The following ATG2B variants were observed in gnomAD, a reference collection of about 807,000 sequenced individuals.
ATG2B encodes autophagy-related protein 2 homolog B.
A neutral mutation model predicts 241.3 loss-of-function variants in ATG2B; 121 were observed. That is an observed-to-expected ratio of 0.50 (90% CI 0.43 to 0.58). The LOEUF is 0.58. Ranked by LOEUF, ATG2B falls within the 20% of genes least tolerant of loss-of-function variation. The pLI is 0.00. For missense variants in ATG2B, 2,306 were observed against 2,491.6 expected, an observed-to-expected ratio of 0.93 and a Z score of 1.59; for synonymous variants, 858 against 876.6, an observed-to-expected ratio of 0.98 and a Z score of 0.37.
rs1389657378 is a variant in ATG2B, at chr14:96,351,843, G to A, written c.163-4502C>T. Among the ~76,000 whole-genome samples the A allele has an allele frequency of 3.3e-5, 5 of 149,550 alleles. No individual in the cohort carries two copies. The South Asian group carries it at 6.3e-4, about 19-fold the overall frequency. On this transcript the variant is annotated intron_variant, in intron 1 of 41. Coordinates refer to ENST00000359933, the MANE Select transcript of ATG2B (RefSeq NM_018036.7). ...CTTGATCCCAGGAGGTCAAGGCTGCGGTTGAGCTGTGATCACCCACTGCAC... is the reference window on the plus strand; with the variant it reads ...CTTGATCCCAGGAGGTCAAGGCTGCAGTTGAGCTGTGATCACCCACTGCAC...
intron 15 of ATG2B, among the ~76,000 whole-genome samples, chr14:96,324,537 A>G (rs1394118062): frequency 6.6e-6 from 1 of 152,082 alleles, no homozygotes; most frequent in African/African-American, 2.4e-5. Flanking sequence ...AAATACAAAA[A>G]TTAGCTGGGT....
intron 1 of ATG2B, among the ~76,000 whole-genome samples, chr14:96,354,956 CTGTT>C (rs1036017785): frequency 6.6e-6 from 1 of 152,100 alleles, no homozygotes; most frequent in Non-Finnish European, 1.5e-5. Context: ...TCAGAAGTGT[CTGTT>C]CACATCCTTT....
At position 96,305,809 on chromosome 14, in the gene ATG2B, C is replaced by T. The variant is rs1886930411; in HGVS notation, c.4513G>A (p.Glu1505Lys). The T allele has an allele frequency of 1.9e-6, 3 of 1,613,444 alleles. No homozygotes were observed. The highest frequency in any genetic ancestry group is 1.3e-5 in the African/African-American group (1 of 75,036). ...ATGATTTTTATAACTGGTTCTTCTT[C>T]CTTCTCCTAAAATAAACAAACAGGT... is the stretch of plus-strand genomic sequence containing the variant. ...FAPKAAMQEK[E>K]EEPVIKIMVD... The change falls in exon 31 of 42, where the codon GAA (glutamate) becomes AAA (lysine). Residue 1505 changes from glutamate (E) to lysine (K), a missense_variant. Glu to Lys is a moderately conservative substitution (Grantham distance 56). Coordinates refer to ENST00000359933, the MANE Select transcript of ATG2B (RefSeq NM_018036.7).
Position 96,315,586 on chromosome 14 carries a change from A to G in ATG2B, c.3362-3T>C. 6.2e-7 allele frequency: 1 copy of G among 1,610,290 alleles called. No homozygotes were observed. The highest frequency in any genetic ancestry group is 8.5e-7 in the Non-Finnish European group (1 of 1,176,852). Reference sequence around the variant, plus strand: ...GAGAATCACTCCATTCACTATGCCTAGAGATCCACATTGAGGTAAAAATAG... The same window carrying G: ...GAGAATCACTCCATTCACTATGCCTGGAGATCCACATTGAGGTAAAAATAG... On this transcript the variant is annotated splice_polypyrimidine_tract_variant and splice_region_variant and intron_variant, in intron 21 of 41. Coordinates refer to ENST00000359933, the MANE Select transcript of ATG2B (RefSeq NM_018036.7).
chr14:96,348,991 T>C (rs775400783), intron 1 of ATG2B, among the ~76,000 whole-genome samples: 7 of 152,168 alleles, frequency 4.6e-5, no homozygotes, highest in Non-Finnish European at 8.8e-5. Flanking sequence ...CAAGATAGTA[T>C]ACCATGAAAG....
chr14:96,347,826 GC>G (rs1177919484), intron 1 of ATG2B, among the ~76,000 whole-genome samples: 1 of 152,138 alleles, frequency 6.6e-6, no homozygotes, highest in Non-Finnish European at 1.5e-5. Context: ...CAGAAGACAG[GC>G]AATTAACAAA....
At chr14:96,304,307 G>C (rs1317879357) in intron 32 of ATG2B, among the ~76,000 whole-genome samples, 188 bp downstream of exon 32, 5 of 152,168 alleles carry the variant, frequency 3.3e-5, no homozygotes. Context: ...AAAAATAAAA[G>C]AAAAACACCT....
At chr14:96,329,844 G>A (rs117298177) in intron 11 of ATG2B, among the ~76,000 whole-genome samples, 49 of 152,094 alleles carry the variant, frequency 3.2e-4, no homozygotes, top group Non-Finnish European at 1.6e-4. Context: ...ACTGCCCTTC[G>A]TCTTCCACAT....
Position 96,333,675 on chromosome 14 carries a change from T to C in ATG2B, c.1207+13A>G, listed in dbSNP as rs376766766. The C allele has an allele frequency of 3.8e-5, 61 of 1,609,434 alleles. No individual in the cohort carries two copies. In the African/African-American group the frequency reaches 7.4e-4, roughly 19 times the overall value. ...AATATATGATTCTGGTGTCAACAGT[T>C]TGAGTTGCTTACCACGGCTAGAAGG... is the stretch of plus-strand genomic sequence containing the variant. On this transcript the variant is annotated intron_variant, in intron 8 of 41. Coordinates refer to ENST00000359933, the MANE Select transcript of ATG2B (RefSeq NM_018036.7).
chr14:96,342,452 T>C (rs1488998167), intron 5 of ATG2B, among the ~76,000 whole-genome samples: 1 of 152,198 alleles, frequency 6.6e-6, no homozygotes, highest in Non-Finnish European at 1.5e-5. Context: ...CCAGACGTGG[T>C]GGCTCACGCC....
chr14:96,316,463 G>GA (rs1887315702), intron 21 of ATG2B, 70 bp downstream of exon 21: 1 of 1,474,624 alleles, frequency 6.8e-7, no homozygotes, highest in East Asian at 2.3e-5. Flanking sequence ...GTTCTCAATA[G>GA]ATTTTCTTTG....
intron 36 of ATG2B, among the ~76,000 whole-genome samples, chr14:96,294,434 T>C (rs1886574014): frequency 1.3e-5 from 2 of 152,118 alleles, no homozygotes; most frequent in Non-Finnish European, 2.9e-5. Flanking sequence ...GGCCGAGCCG[T>C]TGGGCAGCAG....
intron 25 of ATG2B, 41 bp from the exon 26 acceptor site, chr14:96,312,200 CT>C (rs1355805940): frequency 4.9e-6 from 7 of 1,422,200 alleles, no homozygotes; most frequent in Non-Finnish European, 6.9e-6. Context: ...AAAAACTAAG[CT>C]TTGAGTATCA....
At chr14:96,319,786 A>G (rs868258998) in intron 18 of ATG2B, among the ~76,000 whole-genome samples, 17 of 152,176 alleles carry the variant, frequency 1.1e-4, no homozygotes, top group Non-Finnish European at 5.9e-5. Context: ...TTACTCTCAG[A>G]TGGTTAGGGC....
In ATG2B at chr14:96,290,000, ATAAC is replaced by A. The variant is rs1267661719; in HGVS notation, c.5857-199_5857-196del. 5 of 871,960 alleles carry A rather than the reference ATAAC, an allele frequency of 5.7e-6. No homozygotes were observed. Among genetic ancestry groups the A allele is most frequent in the South Asian group, 3.9e-5 (2 of 51,340 alleles). The allele number at this position is 871,960 out of a possible 1,614,324, so 54.0% of individuals were successfully genotyped here. A position where few individuals can be genotyped will look rare whatever the true frequency, so the allele number is the denominator to read the frequency against. On this transcript the variant is annotated intron_variant, in intron 40 of 41. Transcript: ENST00000359933. The surrounding 1 kb of genome is among the most constrained non-coding windows in gnomAD (Gnocchi z 4.3). ...AACGAGAACATAAAAGTATAAATTA[ATAAC>A]TAACACCTGGATTGAGCTAAATTTT...
Position 96,282,812 on chromosome 14 carries a change from T to C in ATG2B, c.*2943A>G, listed in dbSNP as rs972239013. On this transcript the variant is annotated 3_prime_UTR_variant, in exon 42 of 42. Transcript: ENST00000359933. ...AGTAATGCCCTAAAAGCCAGAAATATTTCAATCGGCTTGAAAAGTGACACA... is the reference window on the plus strand; with the variant it reads ...AGTAATGCCCTAAAAGCCAGAAATACTTCAATCGGCTTGAAAAGTGACACA... 2 of 152,248 alleles carry C rather than the reference T, an allele frequency of 1.3e-5. No homozygotes were observed. The highest frequency in any genetic ancestry group is 2.1e-4 in the South Asian group (1 of 4,834). The allele number at this position is 152,248 out of a possible 1,614,324, so 9.4% of individuals were successfully genotyped here. A position where few individuals can be genotyped will look rare whatever the true frequency, so the allele number is the denominator to read the frequency against.
At chr14:96,300,258 G>A (rs1886753821) in intron 34 of ATG2B, among the ~76,000 whole-genome samples, 1 of 152,190 alleles carries the variant, frequency 6.6e-6, no homozygotes, top group Non-Finnish European at 1.5e-5. Flanking sequence ...AGTGGCTTAT[G>A]CCTATCATCC....
chr14:96,309,121 CAGT>C (rs2045286593), intron 29 of ATG2B, among the ~76,000 whole-genome samples: 1 of 152,188 alleles, frequency 6.6e-6, no homozygotes, highest in South Asian at 2.1e-4. Context: ...CCTTTCCAAA[CAGT>C]AGAGGATATA....
At chr14:96,349,964 T>G (rs138015895) in intron 1 of ATG2B, among the ~76,000 whole-genome samples, 110 of 152,240 alleles carry the variant, frequency 7.2e-4, no homozygotes, top group Non-Finnish European at 1.4e-3. Flanking sequence ...GAGACCAGCC[T>G]GGGCAACACA....
Sources: gnomAD v4.1 joint callset for allele counts (sites outside exome capture counted in the v4.1 genomes callset) on GRCh38, gnomAD v4.1.1 for gene constraint, Gnocchi (gnomAD v3.1) non-coding constraint, MANE v1.5 for transcripts, NCBI Gene and HGNC (gene_info 2026-07-23, HGNC 2026-07-21) for gene names.